PLB1: variants seen among roughly 807,000 people sequenced by gnomAD.
The protein encoded by PLB1 is phospholipase B1, membrane-associated.
Under a neutral mutation model 227.4 loss-of-function variants are expected in PLB1, and 242 were observed. The observed-to-expected ratio is 1.06, with a 90% CI of 0.96 to 1.18. The LOEUF (loss-of-function observed/expected upper bound fraction) is 1.18, where lower values mean the gene tolerates loss of function less well. Ranked by LOEUF, PLB1 falls within the 50% of genes most tolerant of loss-of-function variation. The pLI is 0.00. For missense variants in PLB1, 1,858 were observed against 1,816.3 expected (o/e 1.02, Z -0.42); for synonymous variants, 757 against 682.2 (o/e 1.11, Z -1.71).
intron 56 of PLB1, among the ~76,000 whole-genome samples, chr2:28,635,884 A>C (rs1689238448): frequency 6.6e-6 from 1 of 152,176 alleles, no homozygotes; most frequent in South Asian, 2.1e-4. Flanking sequence ...GTGCTGGGTG[A>C]CAGCTCCAGC....
chr2:28,590,159 C>A, intron 29 of PLB1, 83 bp downstream of exon 29: 1 of 1,202,460 alleles, frequency 8.3e-7, no homozygotes, highest in Non-Finnish European at 1.2e-6. Context: ...ACCCTCACCC[C>A]AGCTCTGCCT....
intron 1 of PLB1, 137 bp downstream of exon 1, chr2:28,496,306 A>T: frequency 1.1e-6 from 1 of 915,064 alleles, no homozygotes; most frequent in Non-Finnish European, 1.6e-6. Context: ...CAAGAATAAG[A>T]AGTCTGGTTT....
At chr2:28,566,873 T>C (rs765039139) in intron 20 of PLB1, 34 bp downstream of exon 20, 2 of 1,613,150 alleles carry the variant, frequency 1.2e-6, no homozygotes, top group Non-Finnish European at 1.7e-6. Context: ...ATGTTTGGTT[T>C]GGGGCGGCCC....
At chr2:28,625,010 T>C (rs1324580468) in intron 49 of PLB1, 47 bp from the exon 50 acceptor site, 1 of 1,581,120 alleles carries the variant, frequency 6.3e-7, no homozygotes, top group Non-Finnish European at 8.7e-7. Flanking sequence ...TCGTGAGTCC[T>C]CGCTCCTGAG....
chr2:28,545,945 G>A (rs1673189992), intron 14 of PLB1, among the ~76,000 whole-genome samples: 2 of 152,148 alleles, frequency 1.3e-5, no homozygotes, highest in African/African-American at 4.8e-5. Flanking sequence ...AAGGAGGATA[G>A]CTCTCAGCTC....
chr2:28,612,769 ATTTTTT>A (rs10557060), intron 43 of PLB1, among the ~76,000 whole-genome samples: 28 of 124,920 alleles, frequency 2.2e-4, no homozygotes, highest in Admixed American at 4.9e-4. Context: ...CCACACCTGG[ATTTTTT>A]TTTTTTTTTT....
rs149397641 is a variant in PLB1, at chr2:28,567,912, T to C, written c.1324+1073T>C. ...CCCTGGAATCTTCTGGCTGATAATT[T>C]TGCCTGGGAGGAATTTAACTGGTCC... On this transcript the variant is annotated intron_variant, in intron 20 of 57. Coordinates refer to ENST00000327757, the MANE Select transcript of PLB1 (RefSeq NM_153021.5). Among the ~76,000 whole-genome samples, 672 of 152,326 alleles carry C rather than the reference T, an allele frequency of 4.4e-3. 1 individual carries two copies. The highest frequency in any genetic ancestry group is 7.4e-3 in the Non-Finnish European group (502 of 68,036).
rs1371798361 is a variant in PLB1, at chr2:28,582,420, G to A, written c.1648G>A (p.Val550Met). ...ILHAEVPRAF[V>M]NLVTVLEIVN... ...CTTTTCTCAGGTTCCTCGGGCATTT[G>A]TGAACCTGGTGACGGTGCTTGAGAT... is the stretch of plus-strand genomic sequence containing the variant. Residue 550 changes from valine to methionine, a missense_variant, in exon 25 of 58, where the codon GTG becomes ATG. Coordinates refer to ENST00000327757, the MANE Select transcript of PLB1 (RefSeq NM_153021.5). 6.2e-7 allele frequency: 1 copy of A among 1,613,274 alleles called. No individual in the cohort carries two copies. Among genetic ancestry groups the A allele is most frequent in the Admixed American group, 1.7e-5 (1 of 59,952 alleles).
intron 5 of PLB1, 122 bp downstream of exon 5, chr2:28,525,429 C>G (rs1572749227): frequency 9.1e-7 from 1 of 1,094,876 alleles, no homozygotes; most frequent in East Asian, 2.6e-5. Context: ...TCAAGGCTAC[C>G]CTCTGAGAAG....
intron 33 of PLB1, chr2:28,594,241 A>G (rs1682520982): frequency 1.4e-5 from 4 of 293,174 alleles, no homozygotes; most frequent in South Asian, 3.0e-5. Context: ...AGACACAATC[A>G]CAATCAGCCA....
intron 22 of PLB1, among the ~76,000 whole-genome samples, chr2:28,578,598 GC>G (rs1225773260): frequency 6.6e-6 from 1 of 152,104 alleles, no homozygotes; most frequent in African/African-American, 2.4e-5. Flanking sequence ...CTACGGGAGA[GC>G]CCTGGTCTGC....
At chr2:28,541,860 T>G (rs775936179) in intron 13 of PLB1, 49 bp downstream of exon 13, 1 of 1,462,680 alleles carries the variant, frequency 6.8e-7, no homozygotes, top group Non-Finnish European at 9.6e-7. Flanking sequence ...GGGCCGGGCA[T>G]GGTGGCTCAC....
rs2148303260 is a variant in PLB1, at chr2:28,604,064, C to T, written c.2856+17C>T. 1.2e-6 allele frequency: 2 copies of T among 1,603,086 alleles called. No individual in the cohort carries two copies. The highest frequency in any genetic ancestry group is 2.2e-5 in the South Asian group (2 of 90,862). ...GCCTACCGGGTAAGACCAAGAAGGG[C>T]ACCATGCTGTGTCCTCTCCCCTACG... On this transcript the variant is annotated intron_variant, in intron 40 of 57. Transcript: ENST00000327757.
Position 28,630,580 on chromosome 2 carries a change from T to C in PLB1, c.3819-6T>C. On this transcript the variant is annotated splice_polypyrimidine_tract_variant and splice_region_variant and intron_variant, in intron 53 of 57. Transcript: ENST00000327757. ...CAGCCTCAATACAACACTCCCTGTC[T>C]CACAGGAACAACTGCACTTGCCTCA... 6.2e-7 allele frequency: 1 copy of C among 1,613,074 alleles called. No homozygotes were observed. Among genetic ancestry groups the C allele is most frequent in the East Asian group, 2.2e-5 (1 of 44,866 alleles).
intron 6 of PLB1, among the ~76,000 whole-genome samples, chr2:28,526,839 A>G (rs1670324240): frequency 6.6e-6 from 1 of 152,210 alleles, no homozygotes; most frequent in African/African-American, 2.4e-5. Context: ...CCTGGAAAGC[A>G]CAGGGATGAA....
chr2:28,599,800 G>A (rs35444738), intron 35 of PLB1, among the ~76,000 whole-genome samples: 10,691 of 150,982 alleles, frequency 0.071, 528 homozygotes, highest in Non-Finnish European at 0.11. Flanking sequence ...ATTTTTAGTA[G>A]AGATAGGATT....
chr2:28,567,693 C>T (rs113250186), intron 20 of PLB1, among the ~76,000 whole-genome samples: 14,622 of 151,938 alleles, frequency 0.096, 947 homozygotes, highest in African/African-American at 0.17. Context: ...AGGATGGTCT[C>T]GATTTCCTGA....
chr2:28,596,349 A>G (rs1319345045), intron 33 of PLB1, among the ~76,000 whole-genome samples: 1 of 152,226 alleles, frequency 6.6e-6, no homozygotes, highest in Non-Finnish European at 1.5e-5. Flanking sequence ...TTTATTTGTC[A>G]TAATCCTTTT....
At chr2:28,578,008 T>TG (rs1272351073) in intron 21 of PLB1, 99 bp from the exon 22 acceptor site, 1 of 1,218,858 alleles carries the variant, frequency 8.2e-7, no homozygotes, top group African/African-American at 1.5e-5. Flanking sequence ...AGGCCCACCC[T>TG]GGGCCTTCCT....
Sources: allele counts gnomAD v4.1 joint callset (sites outside exome capture counted in the v4.1 genomes callset), GRCh38; gene constraint gnomAD v4.1.1; transcripts MANE v1.5; gene names NCBI Gene and HGNC (gene_info 2026-07-23, HGNC 2026-07-21).